HAO2: variants seen among roughly 807,000 people sequenced by gnomAD.
The protein encoded by HAO2 is 2-Hydroxyacid oxidase 2.
In HAO2, 42 loss-of-function variants were observed where a neutral mutation model predicts 37.4. The ratio of observed to expected loss-of-function variants is 1.12; its 90% CI spans 0.88 to 1.45. The LOEUF (loss-of-function observed/expected upper bound fraction) is 1.45, where lower values mean the gene tolerates loss of function less well. Ranked by LOEUF, HAO2 falls within the 40% of genes most tolerant of loss-of-function variation. The probability of loss-of-function intolerance (pLI) is 0.00; values close to 1 mark genes in which losing one functional copy is unlikely to be tolerated. For missense variants in HAO2, 476 were observed against 430.2 expected (o/e 1.11, Z -0.94); for synonymous variants, 180 against 162.8 (o/e 1.11, Z -0.81).
chr1:119,386,226 G>T (rs1455669809), intron 4 of HAO2, among the ~76,000 whole-genome samples: 1 of 151,602 alleles, frequency 6.6e-6, no homozygotes, highest in Non-Finnish European at 1.5e-5. Flanking sequence ...TTGTTTGTTT[G>T]TTTTTGAGAC....
At position 119,382,760 on chromosome 1, in the gene HAO2, G is replaced by T. The variant is rs186233997; in HGVS notation, c.132-155G>T. Among the ~76,000 whole-genome samples, 190 of 152,272 alleles carry T rather than the reference G, an allele frequency of 1.2e-3. 2 individuals carry two copies. The Middle Eastern group carries it at 0.017, about 14-fold the overall frequency. ...TAAGTCTCCTCCTGGATCAACATAG[G>T]TTACTCAGCTCTCAGCCAACTGAAC... On this transcript the variant is annotated intron_variant, in intron 2 of 7. Coordinates refer to ENST00000325945, the MANE Select transcript of HAO2 (RefSeq NM_016527.4).
chr1:119,382,420 TAGCCTCTATCACAAA>T (rs1255097205), intron 2 of HAO2, among the ~76,000 whole-genome samples: 1 of 152,230 alleles, frequency 6.6e-6, no homozygotes, highest in East Asian at 1.9e-4. Flanking sequence ...TCAAACTAAC[TAGCCTCTATCACAAA>T]AGCCTCAATC....
At chr1:119,377,778 T>C (rs1480861725) in intron 1 of HAO2, among the ~76,000 whole-genome samples, 1 of 152,156 alleles carries the variant, frequency 6.6e-6, no homozygotes, top group African/African-American at 2.4e-5. Context: ...TATAAAACCA[T>C]CAGCTCGGCC....
chr1:119,393,682 A>G, intron 7 of HAO2, 103 bp from the exon 8 acceptor site: 3 of 897,726 alleles, frequency 3.3e-6, no homozygotes, highest in Non-Finnish European at 3.8e-6. Context: ...GAGTGAGCAC[A>G]AAGATCAAGT....
At chr1:119,379,791 C>T (rs972271615) in intron 1 of HAO2, among the ~76,000 whole-genome samples, 7 of 152,072 alleles carry the variant, frequency 4.6e-5, no homozygotes, top group Non-Finnish European at 7.3e-5. Context: ...CCCTTAAGTA[C>T]GTGCTAAGGC....
Position 119,392,146 on chromosome 1 carries a change from G to A in HAO2, c.808G>A (p.Gly270Arg), listed in dbSNP as rs1650961293. The change falls in exon 6 of 8, where the codon GGG becomes AGG. Residue 270 changes from glycine (G) to arginine (R), a missense_variant. Gly to Arg is a moderately radical substitution (Grantham distance 125). Transcript: ENST00000325945. ...GACAGAAGTGGTGGCTGCTGTAAAG[G>A]GGAAAATTGAAGTCTACCTGGATGG... Reference protein sequence around the residue: ...ALTEVVAAVKGKIEVYLDGGV... With the variant: ...ALTEVVAAVKRKIEVYLDGGV... 5 of 1,613,220 alleles carry A rather than the reference G, an allele frequency of 3.1e-6. No individual in the cohort carries two copies. In the Admixed American group the frequency reaches 6.7e-5, roughly 22 times the overall value.
intron 5 of HAO2, among the ~76,000 whole-genome samples, chr1:119,391,382 C>A (rs1237301159): frequency 1.3e-5 from 2 of 152,160 alleles, no homozygotes; most frequent in African/African-American, 4.8e-5. Context: ...AAGCATAGAT[C>A]GGCCTGGGGC....
intron 1 of HAO2, among the ~76,000 whole-genome samples, chr1:119,375,995 C>A (rs929812253): frequency 3.3e-5 from 5 of 152,150 alleles, no homozygotes; most frequent in Admixed American, 6.5e-5. Flanking sequence ...CCTGGCCCCT[C>A]ACAAATCTCA....
At chr1:119,389,486 G>C (rs587671611) in intron 5 of HAO2, among the ~76,000 whole-genome samples, 1 of 151,800 alleles carries the variant, frequency 6.6e-6, no homozygotes, top group African/African-American at 2.4e-5. Flanking sequence ...CATTCTTGTA[G>C]CAGTAAGGAA....
intron 1 of HAO2, among the ~76,000 whole-genome samples, chr1:119,373,349 GC>G (rs1338806497): frequency 6.6e-6 from 1 of 152,150 alleles, no homozygotes; most frequent in Non-Finnish European, 1.5e-5. Context: ...AAGTTATATT[GC>G]CAGGCTATCC....
intron 1 of HAO2, among the ~76,000 whole-genome samples, chr1:119,373,575 C>T (rs1423590665): frequency 6.6e-6 from 1 of 152,064 alleles, no homozygotes; most frequent in Non-Finnish European, 1.5e-5. Flanking sequence ...AGGTAATTGC[C>T]TAATTAGGTC....
chr1:119,380,618 C>A (rs80302654), intron 1 of HAO2: 1 of 1,032,870 alleles, frequency 9.7e-7, no homozygotes, highest in Non-Finnish European at 1.5e-6. Context: ...GCTGGGAATG[C>A]CATGACGTGG....
chr1:119,379,304 C>A (rs1044004235), intron 1 of HAO2, among the ~76,000 whole-genome samples: 2 of 152,144 alleles, frequency 1.3e-5, no homozygotes, highest in Non-Finnish European at 2.9e-5. Flanking sequence ...TCATCATAAA[C>A]CACATTGTTT....
Position 119,394,019 on chromosome 1 carries a change from C to T in HAO2, c.*179C>T. The T allele has an allele frequency of 1.4e-6, 2 of 1,420,622 alleles. No homozygotes were observed. Among genetic ancestry groups the T allele is most frequent in the Admixed American group, 2.7e-5 (1 of 37,386 alleles). The allele number at this position is 1,420,622 out of a possible 1,614,324, so 88.0% of individuals were successfully genotyped here. A position where few individuals can be genotyped will look rare whatever the true frequency, so the allele number is the denominator to read the frequency against. ...TCAGGCCCTCCAAACCCCTGTGTTC[C>T]CCAAATGTTCCATGCCCTTCTTTGT... On this transcript the variant is annotated 3_prime_UTR_variant, in exon 8 of 8. Coordinates refer to ENST00000325945, the MANE Select transcript of HAO2 (RefSeq NM_016527.4).
At chr1:119,378,437 C>T (rs1649654259) in intron 1 of HAO2, among the ~76,000 whole-genome samples, 1 of 152,142 alleles carries the variant, frequency 6.6e-6, no homozygotes, top group African/African-American at 2.4e-5. Flanking sequence ...TGATCTTTCA[C>T]AAGTTATTTT....
At position 119,379,822 on chromosome 1, in the gene HAO2, A is replaced by G. The variant is rs587627305; in HGVS notation, c.-8-1256A>G. ...AAGGCTACTTCTCTGTTTGACTTCA[A>G]CAGAATCTGGCTTGACAGATCCTGG... On this transcript the variant is annotated intron_variant, in intron 1 of 7. Transcript: ENST00000325945. 1.1e-4 allele frequency among the ~76,000 whole-genome samples: 16 copies of G among 152,148 alleles called. No individual in the cohort carries two copies. In the South Asian group the frequency reaches 1.5e-3, roughly 14 times the overall value.
At chr1:119,386,166 G>T (rs965117130) in intron 4 of HAO2, 1 of 152,288 alleles carries the variant, frequency 6.6e-6, no homozygotes, top group African/African-American at 2.4e-5. Flanking sequence ...AGCTAGAAAC[G>T]TTGTTGGGTT....
At position 119,370,947 on chromosome 1, in the gene HAO2, C is replaced by T. The variant is rs587695177; in HGVS notation, c.-9+2045C>T. 3.2e-4 allele frequency among the ~76,000 whole-genome samples: 48 copies of T among 152,324 alleles called. 1 individual carries two copies. In the Middle Eastern group the frequency reaches 0.017, roughly 54 times the overall value. ...TGAAGTCACTAGTGGACAGAGTAGA[C>T]GTCAGAGCCTGTTTTGGAGCTTTGT... On this transcript the variant is annotated intron_variant, in intron 1 of 7. Transcript: ENST00000325945.
At chr1:119,393,231 T>C (rs1212094605) in intron 7 of HAO2, among the ~76,000 whole-genome samples, 1 of 152,140 alleles carries the variant, frequency 6.6e-6, no homozygotes. Context: ...CATAACATCA[T>C]GCCAGCTTCT....
Sources: gnomAD v4.1 joint callset for allele counts (sites outside exome capture counted in the v4.1 genomes callset) on GRCh38, gnomAD v4.1.1 for gene constraint, MANE v1.5 for transcripts, NCBI Gene and HGNC (gene_info 2026-07-23, HGNC 2026-07-21) for gene names.